The following GCNT1 variants were observed in gnomAD, a reference collection of about 807,000 sequenced individuals.
GCNT1 encodes the protein glucosaminyl (N-acetyl) transferase 1, also known as beta-1,3-galactosyl-O-glycosyl-glycoprotein beta-1,6-N-acetylglucosaminyltransferase.
Under a neutral mutation model 26.2 loss-of-function variants are expected in GCNT1, and 16 were observed. That is an observed-to-expected ratio of 0.61 (90% CI 0.41 to 0.93). The LOEUF (loss-of-function observed/expected upper bound fraction) is 0.93. Among genes scored for constraint, GCNT1 ranks in the 40% least tolerant of loss-of-function variants. GCNT1 has a pLI of 0.00. For synonymous variants in GCNT1, 183 were observed against 190.8 expected, an observed-to-expected ratio of 0.96 and a Z score of 0.34; for missense variants, 477 against 526.7, an observed-to-expected ratio of 0.91 and a Z score of 0.92.
chr9:76,486,573 C>A (rs1349899974), intron 2 of GCNT1, among the ~76,000 whole-genome samples: 1 of 152,184 alleles, frequency 6.6e-6, no homozygotes, highest in Non-Finnish European at 1.5e-5. Context: ...TTCCTGAGAT[C>A]TCCAAGTCAG....
upstream of GCNT1, among the ~76,000 whole-genome samples, chr9:76,419,653 G>T (rs1587402033): frequency 1.3e-5 from 2 of 151,908 alleles, no homozygotes; most frequent in African/African-American, 4.8e-5. Flanking sequence ...TTGAGACCCT[G>T]TGTCAAAAAA....
the GCNT1 span, among the ~76,000 whole-genome samples, chr9:76,401,350 C>A: frequency 6.6e-6 from 1 of 152,142 alleles, no homozygotes; most frequent in Admixed American, 6.5e-5. Context: ...ACTATAGCCT[C>A]GAAATCCTGG....
At chr9:76,403,522 G>A in the GCNT1 span, among the ~76,000 whole-genome samples, 9 of 152,092 alleles carry the variant, frequency 5.9e-5, no homozygotes, top group Admixed American at 4.6e-4. Context: ...CTAGAACTGC[G>A]GTGACACATG....
At chr9:76,440,126 A>G (rs1823465528), upstream of GCNT1, among the ~76,000 whole-genome samples, 1 of 151,734 alleles carries the variant, frequency 6.6e-6, no homozygotes, top group Non-Finnish European at 1.5e-5. Flanking sequence ...AAAAGAAAAA[A>G]TGAATAAACT....
At chr9:76,396,677 A>T in the GCNT1 span, among the ~76,000 whole-genome samples, 1 of 152,050 alleles carries the variant, frequency 6.6e-6, no homozygotes, top group Non-Finnish European at 1.5e-5. Flanking sequence ...CCCCGTCTCT[A>T]CAAAAAATAC....
rs1443833727 is a variant in GCNT1, at chr9:76,477,505, GAC to G, written c.-290+17330_-290+17331del. On this transcript the variant is annotated intron_variant, in intron 2 of 3. Coordinates refer to ENST00000376730, the MANE Select transcript of GCNT1 (RefSeq NM_001490.5). ...CATGCCACTGCACTCTAGCCTGGGC[GAC>G]AGAGTGAGACTCTGTCTCCAAAAAA... 3.1e-5 allele frequency among the ~76,000 whole-genome samples: 4 copies of G among 129,114 alleles called. 1 individual carries two copies. In the Admixed American group the frequency reaches 3.4e-4, roughly 11 times the overall value. The allele number at this position is 129,114 out of a possible 152,430, so 84.7% of individuals were successfully genotyped here.
In GCNT1 at chr9:76,506,168, T is replaced by A. The variant is rs1271809689; in HGVS notation, c.*2500T>A. On this transcript the variant is annotated 3_prime_UTR_variant, in exon 4 of 4. Coordinates refer to ENST00000376730, the MANE Select transcript of GCNT1 (RefSeq NM_001490.5). Reference sequence around the variant, plus strand: ...GCAGGAGAAGCAAAACCCAAGTGATTGGTGAGAAATATAGAAATTATTTAA... The same window carrying A: ...GCAGGAGAAGCAAAACCCAAGTGATAGGTGAGAAATATAGAAATTATTTAA... The A allele has an allele frequency of 6.0e-6, 1 of 167,058 alleles. No individual in the cohort carries two copies. Among genetic ancestry groups the A allele is most frequent in the African/African-American group, 2.4e-5 (1 of 41,454 alleles). 10.3% of individuals were successfully genotyped at this position (167,058 alleles called of 1,614,324 possible).
At chr9:76,469,855 C>T (rs544727116) in intron 2 of GCNT1, among the ~76,000 whole-genome samples, 4 of 152,228 alleles carry the variant, frequency 2.6e-5, no homozygotes, top group Non-Finnish European at 5.9e-5. Flanking sequence ...TAACACTCAC[C>T]GCATGGCCCA....
chr9:76,465,159 T>TA (rs988901542), intron 2 of GCNT1, among the ~76,000 whole-genome samples: 4 of 151,984 alleles, frequency 2.6e-5, no homozygotes, highest in Admixed American at 1.3e-4. Context: ...ATTTGAGTTT[T>TA]TTTTTTTTTA....
chr9:76,480,031 A>G (rs1824376634), intron 2 of GCNT1, among the ~76,000 whole-genome samples: 1 of 152,174 alleles, frequency 6.6e-6, no homozygotes, highest in Non-Finnish European at 1.5e-5. Flanking sequence ...TAATTTTTGT[A>G]TAAGGTGTAA....
At chr9:76,435,951 C>CT (rs398046579) in intron 1 of GCNT1, among the ~76,000 whole-genome samples, 36,238 of 111,882 alleles carry the variant, frequency 0.32, 6,723 homozygotes, top group Non-Finnish European at 0.39. Flanking sequence ...GTTCCCATAT[C>CT]TTTTTTTTTT....
rs869195487 is a variant in GCNT1 at position 76,428,265 on chromosome 9, CAAA to C, written n.38+8400_38+8402del. ...TGGGTAAAAGAGCAAGACTCCGTCT[CAAA>C]AAAAAAAAAAAAAAAAAAAAACTTA... On this transcript the variant is annotated intron_variant and non_coding_transcript_variant, in intron 1 of 3. Transcript: ENST00000488136. Among the ~76,000 whole-genome samples, 195 of 29,738 alleles carry C rather than the reference CAAA, an allele frequency of 6.6e-3. 1 individual carries two copies. The highest frequency in any genetic ancestry group is 0.011 in the Non-Finnish European group (169 of 14,932). 19.5% of individuals were successfully genotyped at this position (29,738 alleles called of 152,430 possible). A position where few individuals can be genotyped will look rare whatever the true frequency, so the allele number is the denominator to read the frequency against.
At chr9:76,408,889 A>G in the GCNT1 span, among the ~76,000 whole-genome samples, 81 of 152,172 alleles carry the variant, frequency 5.3e-4, no homozygotes, top group African/African-American at 1.9e-3. Context: ...GGGTTTCACC[A>G]TGTTAGCCAG....
chr9:76,406,876 A>T, the GCNT1 span, among the ~76,000 whole-genome samples: 7 of 151,808 alleles, frequency 4.6e-5, no homozygotes, highest in African/African-American at 1.5e-4. Flanking sequence ...TCCAGTTTCT[A>T]TTAAAAATAC....
At chr9:76,451,948 C>CTTTTTTTTTTTTTTTT (rs747978017) in intron 1 of GCNT1, among the ~76,000 whole-genome samples, 13 of 98,330 alleles carry the variant, frequency 1.3e-4, no homozygotes, top group Non-Finnish European at 2.0e-4. Context: ...TTCTTTCTTT[C>CTTTTTTTTTTTTTTTT]TTTTTTTTTT....
upstream of GCNT1, among the ~76,000 whole-genome samples, chr9:76,418,254 G>A (rs1435484569): frequency 6.6e-6 from 1 of 152,192 alleles, no homozygotes; most frequent in African/African-American, 2.4e-5. Context: ...ATAAGAGGTT[G>A]TGGAAACCAA....
intron 2 of GCNT1, among the ~76,000 whole-genome samples, chr9:76,466,585 A>T (rs1482182510): frequency 1.3e-5 from 2 of 152,214 alleles, no homozygotes; most frequent in Non-Finnish European, 2.9e-5. Context: ...TATAGGCATG[A>T]GCCACTGTGT....
the GCNT1 span, among the ~76,000 whole-genome samples, chr9:76,407,120 T>C: frequency 6.6e-6 from 1 of 151,184 alleles, no homozygotes; most frequent in Non-Finnish European, 1.5e-5. Context: ...AATTTTATAG[T>C]TTTGCATTTT....
upstream of GCNT1, among the ~76,000 whole-genome samples, chr9:76,454,290 C>G (rs956693488): frequency 6.8e-6 from 1 of 147,306 alleles, no homozygotes; most frequent in Non-Finnish European, 1.5e-5. Context: ...GCAGAAGAAT[C>G]GCTTGAACCC....
Sources: gnomAD v4.1 joint callset for allele counts (sites outside exome capture counted in the v4.1 genomes callset) on GRCh38, gnomAD v4.1.1 for gene constraint, MANE v1.5 for transcripts, NCBI Gene and HGNC (gene_info 2026-07-23, HGNC 2026-07-21) for gene names.